DYRK1A: variants seen among roughly 807,000 people sequenced by gnomAD.
DYRK1A encodes the protein dual specificity tyrosine-phosphorylation-regulated kinase 1A.
DYRK1A carries 9 observed loss-of-function variants against 79.7 expected under a neutral mutation model. The observed-to-expected ratio is 0.11, with a 90% CI of 0.07 to 0.20. The LOEUF (loss-of-function observed/expected upper bound fraction) is 0.20. DYRK1A is among the 10% of genes least tolerant of loss of function. The pLI, the probability that DYRK1A is intolerant of heterozygous loss-of-function variation, is 1.00. For synonymous variants in DYRK1A, 349 were observed against 329.7 expected (o/e 1.06, Z -0.63); for missense variants, 622 against 956.0 (o/e 0.65, Z 4.61).
At chr21:37,417,183 A>G (rs2050358756) in intron 1 of DYRK1A, among the ~76,000 whole-genome samples, 2 of 151,814 alleles carry the variant, frequency 1.3e-5, no homozygotes, top group Non-Finnish European at 2.9e-5. Context: ...ATCTCTGTTT[A>G]TTAGTGTATA....
At chr21:37,460,957 A>G (rs1289501650) in intron 2 of DYRK1A, among the ~76,000 whole-genome samples, 3 of 152,162 alleles carry the variant, frequency 2.0e-5, no homozygotes, top group Non-Finnish European at 2.9e-5. Context: ...TACTATTTTA[A>G]TCTTTTCTGT....
chr21:37,498,930 T>G (rs2053356698), intron 9 of DYRK1A, among the ~76,000 whole-genome samples: 1 of 152,158 alleles, frequency 6.6e-6, no homozygotes, highest in South Asian at 2.1e-4. Context: ...TTATTAGCCT[T>G]TCATACATAT....
chr21:37,516,976 G>A lies in DYRK1A; in HGVS notation c.*4445G>A, dbSNP rs966789805. 6.6e-6 allele frequency: 1 copy of A among 152,082 alleles called. No individual in the cohort carries two copies. The highest frequency in any genetic ancestry group is 1.5e-5 in the Non-Finnish European group (1 of 68,032). The allele number at this position is 152,082 out of a possible 1,614,324, so 9.4% of individuals were successfully genotyped here. A position where few individuals can be genotyped will look rare whatever the true frequency, so the allele number is the denominator to read the frequency against. ...TTTTCCCCATAATTTCCCATCTTTA[G>A]GGTATGTCCCTGTTATCAGGTGTGG... On this transcript the variant is annotated 3_prime_UTR_variant, in exon 12 of 12. Coordinates refer to ENST00000647188, the MANE Select transcript of DYRK1A (RefSeq NM_001347721.2).
chr21:37,380,378 T>C lies in DYRK1A; in HGVS notation c.-77+12750T>C, dbSNP rs543490553. Among the ~76,000 whole-genome samples, 7 of 152,188 alleles carry C rather than the reference T, an allele frequency of 4.6e-5. No homozygotes were observed. The South Asian group carries it at 1.4e-3, about 32-fold the overall frequency. On this transcript the variant is annotated intron_variant, in intron 1 of 11. Transcript: ENST00000647188. ...AATGGTAAGATCCTATAGGATCTCA[T>C]TGAGTATTTTACAGTTTAATTTTTT...
chr21:37,365,579 G>C (rs2148342803), upstream of DYRK1A: 1 of 152,258 alleles, frequency 6.6e-6, no homozygotes, highest in South Asian at 2.1e-4. Context: ...CAGCATACTT[G>C]GGTTTTCAAG....
At position 37,520,370 on chromosome 21, in the gene DYRK1A, T is replaced by C. The variant is rs2053926240; in HGVS notation, c.*7839T>C. ...TATCGGGGAAGCTTTTGAAATGTAA[T>C]AGGTTGTAACCCACATTTTGAAAGC... is the stretch of plus-strand genomic sequence containing the variant. On this transcript the variant is annotated 3_prime_UTR_variant, in exon 12 of 12. Coordinates refer to ENST00000647188, the MANE Select transcript of DYRK1A (RefSeq NM_001347721.2). 1 of 152,242 alleles carries C rather than the reference T, an allele frequency of 6.6e-6. No individual in the cohort carries two copies. The highest frequency in any genetic ancestry group is 1.5e-5 in the Non-Finnish European group (1 of 68,048). 9.4% of individuals were successfully genotyped at this position (152,242 alleles called of 1,614,324 possible).
intron 8 of DYRK1A, among the ~76,000 whole-genome samples, chr21:37,493,655 C>CT (rs2053168065): frequency 6.6e-6 from 1 of 152,106 alleles, no homozygotes; most frequent in Non-Finnish European, 1.5e-5. Flanking sequence ...AGTCTGTGTT[C>CT]TGGAAGATTT....
intron 5 of DYRK1A, among the ~76,000 whole-genome samples, chr21:37,484,220 C>T (rs1054512740): frequency 2.6e-5 from 4 of 152,082 alleles, no homozygotes; most frequent in African/African-American, 7.2e-5. Context: ...TCCACCTCAC[C>T]CCTACCTACC....
At chr21:37,437,661 CAT>C (rs904453318) in intron 2 of DYRK1A, among the ~76,000 whole-genome samples, 2 of 152,126 alleles carry the variant, frequency 1.3e-5, no homozygotes, top group African/African-American at 2.4e-5. Context: ...TTTTGAGAGT[CAT>C]ATGTGTTGTG....
intron 2 of DYRK1A, among the ~76,000 whole-genome samples, chr21:37,438,257 C>A (rs1207981868): frequency 6.6e-6 from 1 of 152,092 alleles, no homozygotes; most frequent in Non-Finnish European, 1.5e-5. Context: ...TCTCCTAGTC[C>A]ATGGCTTGTC....
chr21:37,446,581 CTT>C (rs57380457), intron 2 of DYRK1A, among the ~76,000 whole-genome samples: 2 of 144,690 alleles, frequency 1.4e-5, no homozygotes. Flanking sequence ...GTTTGAAATT[CTT>C]TTTTTTTTTT....
intron 3 of DYRK1A, among the ~76,000 whole-genome samples, chr21:37,476,996 A>G (rs932478946): frequency 6.6e-6 from 1 of 152,184 alleles, no homozygotes; most frequent in African/African-American, 2.4e-5. Context: ...AGTAAAGTTC[A>G]TGATTTACAG....
intron 2 of DYRK1A, among the ~76,000 whole-genome samples, chr21:37,432,978 A>G (rs914696784): frequency 2.7e-5 from 4 of 150,754 alleles, no homozygotes; most frequent in Non-Finnish European, 3.0e-5. Flanking sequence ...TCCATCTAAA[A>G]AAAAAAAAAA....
chr21:37,449,487 T>C (rs1311967439), intron 2 of DYRK1A, among the ~76,000 whole-genome samples: 1 of 152,210 alleles, frequency 6.6e-6, no homozygotes, highest in Non-Finnish European at 1.5e-5. Context: ...TCACACGCAA[T>C]TTTTATGGGT....
chr21:37,387,163 C>T (rs1230038877), intron 1 of DYRK1A, among the ~76,000 whole-genome samples: 2 of 152,218 alleles, frequency 1.3e-5, no homozygotes, highest in Non-Finnish European at 2.9e-5. Flanking sequence ...GCCGGGTAGG[C>T]AACCCTGTCC....
At chr21:37,427,079 A>G (rs928804744) in intron 2 of DYRK1A, among the ~76,000 whole-genome samples, 48 of 152,330 alleles carry the variant, frequency 3.2e-4, no homozygotes, top group Admixed American at 2.2e-3. Context: ...AACAGATACT[A>G]ACAATATAAC....
At chr21:37,410,853 A>T (rs1427852299) in intron 1 of DYRK1A, among the ~76,000 whole-genome samples, 1 of 152,004 alleles carries the variant, frequency 6.6e-6, no homozygotes, top group African/African-American at 2.4e-5. Context: ...TTCGGGACCA[A>T]CCTGACTATC....
chr21:37,368,752 G>C (rs2049369931), intron 1 of DYRK1A, among the ~76,000 whole-genome samples: 1 of 152,214 alleles, frequency 6.6e-6, no homozygotes. Context: ...CCAGGAGCCA[G>C]AAGGCTGTAG....
chr21:37,366,952 C>T lies in DYRK1A; in HGVS notation c.-753C>T. 1 of 157,890 alleles carries T rather than the reference C, an allele frequency of 6.3e-6. No homozygotes were observed. The highest frequency in any genetic ancestry group is 1.4e-5 in the Non-Finnish European group (1 of 71,082). The allele number at this position is 157,890 out of a possible 1,614,324, so 9.8% of individuals were successfully genotyped here. A position where few individuals can be genotyped will look rare whatever the true frequency, so the allele number is the denominator to read the frequency against. On this transcript the variant is annotated 5_prime_UTR_variant, in exon 1 of 12. Transcript: ENST00000647188. ...TGCTGATCGCGGCCCAGGTCGGCCT[C>T]AGAGAGCGGACACCCCGAGCGGGGG...
Sources: gnomAD v4.1 joint callset for allele counts (sites outside exome capture counted in the v4.1 genomes callset) on GRCh38, gnomAD v4.1.1 for gene constraint, MANE v1.5 for transcripts, NCBI Gene and HGNC (gene_info 2026-07-23, HGNC 2026-07-21) for gene names.